PLD5: variants seen among roughly 807,000 people sequenced by gnomAD.
The protein encoded by PLD5 is inactive phospholipase D5.
In PLD5, 36 loss-of-function variants were observed where a neutral mutation model predicts 61.1. That is an observed-to-expected ratio of 0.59 (90% CI 0.45 to 0.78). The LOEUF is 0.78. PLD5 is among the 30% of genes least tolerant of loss of function. PLD5 has a pLI of 0.00. For missense variants in PLD5, 515 were observed against 644.4 expected (o/e 0.80, Z 2.17); for synonymous variants, 243 against 242.8 (o/e 1.00, Z -0.01).
At position 242,124,508 on chromosome 1, in the gene PLD5, T is replaced by C; in HGVS notation, c.893A>G (p.Gln298Arg). 6.2e-7 allele frequency: 1 copy of C among 1,614,082 alleles called. No homozygotes were observed. The highest frequency in any genetic ancestry group is 8.5e-7 in the Non-Finnish European group (1 of 1,179,970). ...AGATTTGGTTTCATTCAACTGAAGT[T>C]GCAATTTCTTTTCATTGTCATAGAC... ...YGVYDNEKKL[Q>R]LQLNETKSQA... The change falls in exon 6 of 10, where the codon CAA becomes CGA. Residue 298 changes from glutamine (Q) to arginine (R), a missense_variant. By Grantham distance (43) the Gln-to-Arg change is conservative (BLOSUM62 1). Transcript: ENST00000536534.
At chr1:242,395,085 A>G (rs184331161) in intron 1 of PLD5, among the ~76,000 whole-genome samples, 1,858 of 143,450 alleles carry the variant, frequency 0.013, 95 homozygotes, top group East Asian at 0.075. Context: ...ATATATGTAT[A>G]TATATGAATA....
rs1332306650 is a variant in PLD5, at chr1:242,381,963, G to A, written c.190-33721C>T. 3.3e-5 allele frequency among the ~76,000 whole-genome samples: 5 copies of A among 152,046 alleles called. No individual in the cohort carries two copies. The South Asian group carries it at 8.3e-4, about 25-fold the overall frequency. ...TCACCAGTTCAGAAAAGAGACAAAC[G>A]ACTTAAGAGATAAAAGTAAGTGACA... On this transcript the variant is annotated intron_variant, in intron 1 of 9. Transcript: ENST00000536534.
chr1:242,504,801 T>C (rs1218675458), intron 1 of PLD5, among the ~76,000 whole-genome samples: 15 of 152,220 alleles, frequency 9.9e-5, no homozygotes, highest in Admixed American at 9.8e-4. Flanking sequence ...CTTATTATTC[T>C]GAATTTCCAA....
chr1:242,412,891 A>G (rs554704766), intron 1 of PLD5, among the ~76,000 whole-genome samples: 6 of 152,128 alleles, frequency 3.9e-5, no homozygotes, highest in Non-Finnish European at 7.4e-5. Flanking sequence ...AAATTACGAA[A>G]CCACTTTCTG....
intron 2 of PLD5, among the ~76,000 whole-genome samples, chr1:242,303,207 G>C (rs529228829): frequency 6.6e-6 from 1 of 152,294 alleles, no homozygotes; most frequent in African/African-American, 2.4e-5. Context: ...GCAAATACAT[G>C]CTGACTCTCC....
intron 2 of PLD5, among the ~76,000 whole-genome samples, chr1:242,336,873 A>C (rs2149207930): frequency 6.6e-6 from 1 of 152,372 alleles, no homozygotes; most frequent in South Asian, 2.1e-4. Flanking sequence ...TTAACCTGGA[A>C]GGCAGGGATC....
At chr1:242,250,634 G>A (rs969373987) in intron 4 of PLD5, among the ~76,000 whole-genome samples, 2 of 152,138 alleles carry the variant, frequency 1.3e-5, no homozygotes, top group Admixed American at 6.5e-5. Flanking sequence ...TGTGTTTGAT[G>A]TACTAGTTAT....
intron 1 of PLD5, among the ~76,000 whole-genome samples, chr1:242,371,904 A>C (rs1370718279): frequency 1.3e-5 from 2 of 152,042 alleles, no homozygotes; most frequent in Non-Finnish European, 2.9e-5. Flanking sequence ...TCTGGGGTAC[A>C]TGTGCAGAAC....
chr1:242,328,075 A>AAAAAC (rs1187630400), intron 2 of PLD5, among the ~76,000 whole-genome samples: 1 of 152,158 alleles, frequency 6.6e-6, no homozygotes, highest in Non-Finnish European at 1.5e-5. Context: ...CCCTGCTGCT[A>AAAAAC]AAAACAAAAC....
At chr1:242,385,997 C>T (rs1329887234) in intron 1 of PLD5, among the ~76,000 whole-genome samples, 1 of 152,118 alleles carries the variant, frequency 6.6e-6, no homozygotes, top group Non-Finnish European at 1.5e-5. Flanking sequence ...AGGTTGCTTC[C>T]TCCTGAGAGC....
chr1:242,291,432 T>C (rs1328850403), intron 2 of PLD5, among the ~76,000 whole-genome samples: 1 of 152,156 alleles, frequency 6.6e-6, no homozygotes, highest in Non-Finnish European at 1.5e-5. Flanking sequence ...TATAGTATAA[T>C]TGTGCACAGT....
At chr1:242,529,490 CAGAA>C (rs1669508740), upstream of PLD5, among the ~76,000 whole-genome samples, 1 of 152,098 alleles carries the variant, frequency 6.6e-6, no homozygotes, top group Non-Finnish European at 1.5e-5. Context: ...AACAAAGACC[CAGAA>C]AGAGTGACCT....
intron 2 of PLD5, among the ~76,000 whole-genome samples, chr1:242,297,374 T>A (rs1675733337): frequency 7.3e-6 from 1 of 137,634 alleles, no homozygotes; most frequent in Non-Finnish European, 1.6e-5. Context: ...AAAGGAAAGC[T>A]TCCCCCCTTT....
At chr1:242,215,919 A>C (rs1248719243) in intron 5 of PLD5, among the ~76,000 whole-genome samples, 3 of 152,164 alleles carry the variant, frequency 2.0e-5, no homozygotes, top group African/African-American at 7.2e-5. Flanking sequence ...CACTCTATTA[A>C]GCTTATCTTC....
intron 4 of PLD5, among the ~76,000 whole-genome samples, chr1:242,255,542 A>G (rs187543984): frequency 1.1e-4 from 17 of 152,374 alleles, no homozygotes; most frequent in African/African-American, 4.1e-4. Context: ...GCATGTGTAT[A>G]CATATGTAAA....
At chr1:242,414,654 G>T (rs1231741021) in intron 1 of PLD5, among the ~76,000 whole-genome samples, 1 of 152,114 alleles carries the variant, frequency 6.6e-6, no homozygotes, top group Non-Finnish European at 1.5e-5. Flanking sequence ...CAAAGACTCG[G>T]ATGTAAATAA....
intron 4 of PLD5, among the ~76,000 whole-genome samples, chr1:242,240,579 G>A (rs1413412290): frequency 1.3e-5 from 2 of 152,084 alleles, no homozygotes; most frequent in East Asian, 3.9e-4. Flanking sequence ...ACATGGTTCT[G>A]CAAAAATTGA....
At chr1:242,174,656 CCA>C (rs1416957777) in intron 5 of PLD5, among the ~76,000 whole-genome samples, 1 of 152,182 alleles carries the variant, frequency 6.6e-6, no homozygotes, top group Non-Finnish European at 1.5e-5. Context: ...ACCCAAATGT[CCA>C]TCAATGATAG....
chr1:242,190,541 C>T (rs1014953605), intron 5 of PLD5, among the ~76,000 whole-genome samples: 4 of 151,938 alleles, frequency 2.6e-5, no homozygotes, highest in Non-Finnish European at 4.4e-5. Context: ...GCATCACAAA[C>T]ACTCATTCAA....
Sources: gnomAD v4.1 joint callset for allele counts (sites outside exome capture counted in the v4.1 genomes callset) on GRCh38, gnomAD v4.1.1 for gene constraint, MANE v1.5 for transcripts, NCBI Gene and HGNC (gene_info 2026-07-23, HGNC 2026-07-21) for gene names.